The following LGR4 variants were observed in gnomAD, a reference collection of about 807,000 sequenced individuals.
The protein encoded by LGR4 is leucine-rich repeat-containing G protein-coupled receptor 4.
LGR4 carries 44 observed loss-of-function variants against 84.8 expected under a neutral mutation model. The ratio of observed to expected loss-of-function variants is 0.52; its 90% CI spans 0.41 to 0.67. The LOEUF is 0.67. LGR4 is among the 30% of genes least tolerant of loss of function. The probability of loss-of-function intolerance (pLI) is 0.00; values close to 1 mark genes in which losing one functional copy is unlikely to be tolerated. For missense variants in LGR4, 1,032 were observed against 1,131.4 expected, an observed-to-expected ratio of 0.91 and a Z score of 1.26; for synonymous variants, 429 against 434.3, an observed-to-expected ratio of 0.99 and a Z score of 0.15.
intron 2 of LGR4, among the ~76,000 whole-genome samples, chr11:27,412,570 T>G (rs1263987774): frequency 6.6e-6 from 1 of 152,120 alleles, no homozygotes; most frequent in Non-Finnish European, 1.5e-5. Context: ...GGAAGTAGCA[T>G]TTTTTTAGTT....
intron 1 of LGR4, among the ~76,000 whole-genome samples, chr11:27,457,246 C>G (rs1864590970): frequency 6.6e-6 from 1 of 152,152 alleles, no homozygotes; most frequent in Non-Finnish European, 1.5e-5. Context: ...GTAGGCCCAG[C>G]AATTCTTCAC....
In LGR4 at chr11:27,391,163, G is replaced by A. The variant is rs750458681; in HGVS notation, c.332C>T (p.Thr111Met). 3.3e-5 allele frequency: 53 copies of A among 1,585,558 alleles called. No homozygotes were observed. In the East Asian group the frequency reaches 7.0e-4, roughly 21 times the overall value. Residue 111 changes from threonine to methionine, a missense_variant and splice_region_variant, in exon 4 of 18, where the codon ACG becomes ATG. Physicochemically the swap from Thr to Met is moderately conservative, Grantham distance 81. Coordinates refer to ENST00000379214, the MANE Select transcript of LGR4 (RefSeq NM_018490.5). ...LSGLKELKVLTLQNNQLKTVP... is the reference protein window; with the variant it reads ...LSGLKELKVLMLQNNQLKTVP... ...TGTTTTCAACTGATTATTCTGGAGC[G>A]TTCTGAAAGAAAATTTTTGGTTAGT...
At chr11:27,397,539 A>C (rs1193518809) in intron 2 of LGR4, among the ~76,000 whole-genome samples, 1 of 152,164 alleles carries the variant, frequency 6.6e-6, no homozygotes, top group Non-Finnish European at 1.5e-5. Flanking sequence ...TTACTACTAA[A>C]AGGGTGAGAA....
chr11:27,426,386 T>C (rs1248428010), intron 1 of LGR4, among the ~76,000 whole-genome samples: 8 of 152,178 alleles, frequency 5.3e-5, no homozygotes, highest in Non-Finnish European at 1.2e-4. Flanking sequence ...TAAAATTGGA[T>C]TTCAGTAAAA....
At position 27,380,254 on chromosome 11, in the gene LGR4, C is replaced by T. The variant is rs1458146462; in HGVS notation, c.971+17G>A. 4 of 1,567,600 alleles carry T rather than the reference C, an allele frequency of 2.6e-6. No individual in the cohort carries two copies. The highest frequency in any genetic ancestry group is 2.7e-5 in the African/African-American group (2 of 73,518). ...GTGTTATCTTTATACAACCCCTCTT[C>T]AAAGGGCCTTACTTACAGACTTTCC... On this transcript the variant is annotated intron_variant, in intron 10 of 17. Coordinates refer to ENST00000379214, the MANE Select transcript of LGR4 (RefSeq NM_018490.5).
At chr11:27,390,291 C>T (rs940179538) in intron 4 of LGR4, among the ~76,000 whole-genome samples, 2 of 152,118 alleles carry the variant, frequency 1.3e-5, no homozygotes, top group African/African-American at 4.8e-5. Flanking sequence ...ACCTAAGAGA[C>T]AAATTGTATG....
In LGR4 at chr11:27,380,632, ATACT is replaced by A; in HGVS notation, c.902+4_902+7del. 1.3e-6 allele frequency: 2 copies of A among 1,526,298 alleles called. No homozygotes were observed. Among genetic ancestry groups the A allele is most frequent in the Non-Finnish European group, 1.8e-6 (2 of 1,105,546 alleles). 94.5% of individuals were successfully genotyped at this position (1,526,298 alleles called of 1,614,324 possible). A position where few individuals can be genotyped will look rare whatever the true frequency, so the allele number is the denominator to read the frequency against. ...TATCCAGGTTTGTTTTTAAATTCAC[ATACT>A]TACAGGGAATGAAGATCAGATAAAT... On this transcript the variant is annotated splice_donor_5th_base_variant and intron_variant, in intron 9 of 17. Transcript: ENST00000379214.
rs1590414201 is a variant in LGR4 at position 27,463,584 on chromosome 11, G to A, written c.185+8534C>T. Among the ~76,000 whole-genome samples, 3 of 152,106 alleles carry A rather than the reference G, an allele frequency of 2.0e-5. No homozygotes were observed. The South Asian group carries it at 6.2e-4, about 32-fold the overall frequency. ...GCGGATCACCTGAGCTCAGGAGTTC[G>A]AGAGCAGCCTGGCCAACATGGTGAA... On this transcript the variant is annotated intron_variant, in intron 1 of 17. Transcript: ENST00000379214.
chr11:27,429,131 A>C (rs2133418797), intron 1 of LGR4, among the ~76,000 whole-genome samples: 1 of 152,236 alleles, frequency 6.6e-6, no homozygotes, highest in South Asian at 2.1e-4. Flanking sequence ...CTTAGAGATA[A>C]AGAGGAGAAA....
chr11:27,456,754 T>C (rs1565099762), intron 1 of LGR4, among the ~76,000 whole-genome samples: 1 of 152,164 alleles, frequency 6.6e-6, no homozygotes, highest in Non-Finnish European at 1.5e-5. Context: ...CAAGTATGTA[T>C]AAAAAGCAAA....
At chr11:27,449,688 A>T (rs1362892520) in intron 1 of LGR4, among the ~76,000 whole-genome samples, 1 of 152,194 alleles carries the variant, frequency 6.6e-6, no homozygotes, top group African/African-American at 2.4e-5. Context: ...TAAAGTTTAA[A>T]ATGTTGACAA....
intron 1 of LGR4, among the ~76,000 whole-genome samples, chr11:27,445,866 G>C (rs1180262676): frequency 6.9e-6 from 1 of 144,402 alleles, no homozygotes; most frequent in African/African-American, 2.5e-5. Flanking sequence ...AACAGAGTGA[G>C]ACCCTGTCTC....
chr11:27,442,239 G>C (rs753715590), intron 1 of LGR4, among the ~76,000 whole-genome samples: 15 of 152,006 alleles, frequency 9.9e-5, no homozygotes, highest in Non-Finnish European at 1.8e-4. Flanking sequence ...GAGAAGAAGA[G>C]ACTAGCAACC....
intron 1 of LGR4, among the ~76,000 whole-genome samples, chr11:27,446,656 A>G (rs1006208320): frequency 9.2e-5 from 14 of 152,198 alleles, no homozygotes; most frequent in African/African-American, 3.4e-4. Flanking sequence ...AACTAGAAAT[A>G]CCATTTGACC....
intron 1 of LGR4, among the ~76,000 whole-genome samples, chr11:27,461,908 C>A (rs1024794788): frequency 2.2e-5 from 3 of 133,448 alleles, no homozygotes; most frequent in Non-Finnish European, 4.6e-5. Context: ...TGGCTCACTG[C>A]AACCTCCCCC....
chr11:27,419,245 G>T (rs1863878240), intron 1 of LGR4, among the ~76,000 whole-genome samples: 1 of 151,920 alleles, frequency 6.6e-6, no homozygotes, highest in Non-Finnish European at 1.5e-5. Context: ...TTTTAAAATG[G>T]GCTTTTAAGA....
In LGR4 at chr11:27,382,266, A is replaced by G; in HGVS notation, c.690-10T>C. The G allele has an allele frequency of 6.5e-7, 1 of 1,547,170 alleles. No individual in the cohort carries two copies. ...ATTATAATTCAAGTCTCTAGAAAAA[A>G]ATGGGTGAAAATATATCAAAATATT... On this transcript the variant is annotated splice_polypyrimidine_tract_variant and intron_variant, in intron 6 of 17. Coordinates refer to ENST00000379214, the MANE Select transcript of LGR4 (RefSeq NM_018490.5).
intron 1 of LGR4, among the ~76,000 whole-genome samples, chr11:27,426,152 C>T (rs180674400): frequency 1.3e-5 from 2 of 152,300 alleles, no homozygotes; most frequent in Admixed American, 6.5e-5. Flanking sequence ...AAAGGGAAGA[C>T]ATATAAAATA....
In LGR4 at chr11:27,384,424, G is replaced by A. The variant is rs748182643; in HGVS notation, c.618-17C>T. ...TGAAGATGCCTAAGGGGGAAAAAAAGCATAAAATGACTTTTCCATCTCCCA... is the reference window on the plus strand; with the variant it reads ...TGAAGATGCCTAAGGGGGAAAAAAAACATAAAATGACTTTTCCATCTCCCA... On this transcript the variant is annotated splice_polypyrimidine_tract_variant and intron_variant, in intron 5 of 17. Coordinates refer to ENST00000379214, the MANE Select transcript of LGR4 (RefSeq NM_018490.5). 7.0e-6 allele frequency: 11 copies of A among 1,574,678 alleles called. No homozygotes were observed. The South Asian group carries it at 1.2e-4, about 18-fold the overall frequency.
Sources: gnomAD v4.1 joint callset for allele counts (sites outside exome capture counted in the v4.1 genomes callset) on GRCh38, gnomAD v4.1.1 for gene constraint, MANE v1.5 for transcripts, NCBI Gene and HGNC (gene_info 2026-07-23, HGNC 2026-07-21) for gene names.